Variants in IGSF21 observed in about 807,000 individuals in gnomAD.
The protein encoded by IGSF21 is immunoglobin superfamily member 21, also known as immunoglobulin superfamily member 21.
In IGSF21, 28 loss-of-function variants were observed where a neutral mutation model predicts 46.8. The ratio of observed to expected loss-of-function variants is 0.60; its 90% CI spans 0.44 to 0.82. The LOEUF (loss-of-function observed/expected upper bound fraction) is 0.82. Ranked by LOEUF, IGSF21 falls within the 40% of genes least tolerant of loss-of-function variation. The pLI, the probability that IGSF21 is intolerant of heterozygous loss-of-function variation, is 0.00. For missense variants in IGSF21, 624 were observed against 665.5 expected, an observed-to-expected ratio of 0.94 and a Z score of 0.69; for synonymous variants, 284 against 273.6, an observed-to-expected ratio of 1.04 and a Z score of -0.38.
chr1:18,130,401 C>G (rs2086307617), intron 1 of IGSF21, among the ~76,000 whole-genome samples: 2 of 152,158 alleles, frequency 1.3e-5, no homozygotes, highest in African/African-American at 4.8e-5. Flanking sequence ...TCTGTTCCAC[C>G]CAGGGCAAGG....
In IGSF21 at chr1:18,261,005, C is replaced by G. The variant is rs16861762; in HGVS notation, c.184-30861C>G. Among the ~76,000 whole-genome samples the G allele has an allele frequency of 7.6e-3, 1,160 of 152,280 alleles. 68 individuals carry two copies. The East Asian group carries it at 0.15, about 20-fold the overall frequency. On this transcript the variant is annotated intron_variant, in intron 2 of 9. Coordinates refer to ENST00000251296, the MANE Select transcript of IGSF21 (RefSeq NM_032880.5). Reference sequence around the variant, plus strand: ...GAGATGGGGGGACATCGCTTTGCCTCGAGACCAGAAGTGACTGGAGACATT... The same window carrying G: ...GAGATGGGGGGACATCGCTTTGCCTGGAGACCAGAAGTGACTGGAGACATT...
intron 1 of IGSF21, among the ~76,000 whole-genome samples, chr1:18,122,343 A>G (rs1353782091): frequency 6.6e-6 from 1 of 150,694 alleles, no homozygotes; most frequent in South Asian, 2.1e-4. Context: ...GGTGCATGCC[A>G]CCATACCCGG....
chr1:18,192,151 C>T (rs1186728237), intron 1 of IGSF21, among the ~76,000 whole-genome samples: 2 of 152,234 alleles, frequency 1.3e-5, no homozygotes, highest in African/African-American at 2.4e-5. Flanking sequence ...ACGTAAGCAT[C>T]CTGAGCTAAA....
At chr1:18,349,229 C>T (rs2085925519) in intron 4 of IGSF21, among the ~76,000 whole-genome samples, 1 of 152,160 alleles carries the variant, frequency 6.6e-6, no homozygotes, top group Admixed American at 6.5e-5. Flanking sequence ...GCCCCTCTCT[C>T]TGAAGCCAGA....
At chr1:18,209,558 G>T (rs533220933) in intron 1 of IGSF21, among the ~76,000 whole-genome samples, 1 of 151,270 alleles carries the variant, frequency 6.6e-6, no homozygotes, top group African/African-American at 2.4e-5. Context: ...GGGTTCATGC[G>T]ATTCTCCTGC....
intron 1 of IGSF21, among the ~76,000 whole-genome samples, chr1:18,216,725 C>T (rs1014702389): frequency 6.6e-6 from 1 of 152,134 alleles, no homozygotes; most frequent in African/African-American, 2.4e-5. Context: ...CTCCTGGCCC[C>T]ACCTCTCACC....
intron 3 of IGSF21, among the ~76,000 whole-genome samples, chr1:18,332,898 TG>T (rs2085729281): frequency 6.6e-6 from 1 of 151,936 alleles, no homozygotes; most frequent in Non-Finnish European, 1.5e-5. Context: ...AGCCCAGGTG[TG>T]GGGGGACAGT....
intron 6 of IGSF21, among the ~76,000 whole-genome samples, chr1:18,368,524 A>AAG: frequency 1.4e-5 from 2 of 139,554 alleles, no homozygotes; most frequent in South Asian, 4.7e-4. Context: ...AAGAAAAAAA[A>AAG]AAAGTTGGGG....
intron 2 of IGSF21, among the ~76,000 whole-genome samples, chr1:18,287,216 T>TAAATAA (rs747351381): frequency 4.3e-5 from 6 of 138,994 alleles, no homozygotes; most frequent in Non-Finnish European, 7.7e-5. Flanking sequence ...TAAATAAAAA[T>TAAATAA]AAATAAAAAT....
At chr1:18,127,577 G>A (rs1190942278) in intron 1 of IGSF21, among the ~76,000 whole-genome samples, 29 of 152,156 alleles carry the variant, frequency 1.9e-4, no homozygotes, top group Admixed American at 5.9e-4. Flanking sequence ...GACAGGGCAC[G>A]TGACCGCTTT....
intron 2 of IGSF21, among the ~76,000 whole-genome samples, chr1:18,248,734 C>T (rs1057062723): frequency 6.6e-6 from 1 of 152,140 alleles, no homozygotes; most frequent in African/African-American, 2.4e-5. Context: ...CAAATAGTTA[C>T]CGGGCCCCTA....
At chr1:18,250,073 C>T (rs2084823620) in intron 2 of IGSF21, among the ~76,000 whole-genome samples, 2 of 116,592 alleles carry the variant, frequency 1.7e-5, no homozygotes, top group Admixed American at 8.5e-5. Flanking sequence ...CTCCCTCCCC[C>T]CTTCCATCCC....
At chr1:18,378,064 C>T (rs536593240) in intron 9 of IGSF21, among the ~76,000 whole-genome samples, 192 bp from the exon 10 acceptor site, 5 of 152,296 alleles carry the variant, frequency 3.3e-5, no homozygotes, top group South Asian at 2.1e-4. Flanking sequence ...GAAATCTGAC[C>T]GTAGCCCAGC....
chr1:18,261,298 C>T (rs76030038), intron 2 of IGSF21, among the ~76,000 whole-genome samples: 3,215 of 152,270 alleles, frequency 0.021, 57 homozygotes, highest in Non-Finnish European at 0.036. Flanking sequence ...GAAGAAAAGC[C>T]AGTCAGGGGT....
chr1:18,268,647 T>A (rs1361345395), intron 2 of IGSF21, among the ~76,000 whole-genome samples: 1 of 152,194 alleles, frequency 6.6e-6, no homozygotes, highest in African/African-American at 2.4e-5. Flanking sequence ...CAATGTGCCT[T>A]GGGAGTGGGG....
chr1:18,225,377 C>A lies in IGSF21; in HGVS notation c.71-2521C>A, dbSNP rs1288109983. On this transcript the variant is annotated intron_variant, in intron 1 of 9. Transcript: ENST00000251296. ...TAACACTACCACCCAATCACCAGAG[C>A]TGCAACCACTCCCCTACTTGCCCTC... 2.6e-5 allele frequency among the ~76,000 whole-genome samples: 4 copies of A among 152,036 alleles called. No individual in the cohort carries two copies. In the South Asian group the frequency reaches 6.2e-4, roughly 24 times the overall value.
chr1:18,364,276 A>G (rs2086135226), intron 5 of IGSF21, among the ~76,000 whole-genome samples: 1 of 152,178 alleles, frequency 6.6e-6, no homozygotes, highest in South Asian at 2.1e-4. Flanking sequence ...AAAAGAAAAA[A>G]GGAAAGAAGA....
rs747542403 is a variant in IGSF21, at chr1:18,365,505, C to A, written c.823C>A (p.Pro275Thr). ...AGAGACGGTCGTGAGCCGTGAGTTT[C>A]CCCGCTGGGTCCACAGCGCCGAGCC... ...IPETVVSREF[P>T]RWVHSAEPTY... is the part of the protein sequence containing the mutation. Residue 275 changes from proline to threonine, a missense_variant, in exon 6 of 10, where the codon CCC becomes ACC. Physicochemically the swap from Pro to Thr is conservative, Grantham distance 38 (BLOSUM62 -1). Coordinates refer to ENST00000251296, the MANE Select transcript of IGSF21 (RefSeq NM_032880.5). This position sits in a 1 kb window ranked among gnomAD's most constrained non-coding sequence, Gnocchi z 4.8. 2 of 1,613,980 alleles carry A rather than the reference C, an allele frequency of 1.2e-6. No individual in the cohort carries two copies. The highest frequency in any genetic ancestry group is 1.7e-5 in the Admixed American group (1 of 59,996).
At chr1:18,348,761 A>G (rs2124618256) in intron 4 of IGSF21, among the ~76,000 whole-genome samples, 1 of 152,300 alleles carries the variant, frequency 6.6e-6, no homozygotes, top group East Asian at 1.9e-4. Flanking sequence ...CTACTGCCTC[A>G]GGTACAGGTA....
Sources: allele counts gnomAD v4.1 joint callset (sites outside exome capture counted in the v4.1 genomes callset), GRCh38; gene constraint gnomAD v4.1.1; non-coding constraint Gnocchi (gnomAD v3.1); transcripts MANE v1.5; gene names NCBI Gene and HGNC (gene_info 2026-07-23, HGNC 2026-07-21).